The following SAMD3 variants were observed in gnomAD, a reference collection of about 807,000 sequenced individuals.
SAMD3 encodes the protein sterile alpha motif domain containing 3, also known as sterile alpha motif domain-containing protein 3.
Under a neutral mutation model 58.5 loss-of-function variants are expected in SAMD3, and 63 were observed. That is an observed-to-expected ratio of 1.08 (90% CI 0.88 to 1.33). SAMD3 has a LOEUF of 1.33. SAMD3 is among the 40% of genes most tolerant of loss of function. The probability of loss-of-function intolerance (pLI) is 0.00; values close to 1 mark genes in which losing one functional copy is unlikely to be tolerated. For synonymous variants in SAMD3, 220 were observed against 210.3 expected (o/e 1.05, Z -0.40); for missense variants, 604 against 608.4 (o/e 0.99, Z 0.08).
chr6:130,159,499 T>C (rs1790091125), intron 8 of SAMD3: 1 of 152,218 alleles, frequency 6.6e-6, no homozygotes, highest in Admixed American at 6.5e-5. Context: ...CTCTGGTCCT[T>C]TTGTTACCTG....
intron 2 of SAMD3, among the ~76,000 whole-genome samples, chr6:130,280,504 T>C (rs776551907): frequency 6.6e-6 from 1 of 152,148 alleles, no homozygotes; most frequent in Non-Finnish European, 1.5e-5. Context: ...AATATCACCT[T>C]TAGACAGGCA....
At chr6:130,201,508 TAC>T (rs904809202) in intron 5 of SAMD3, among the ~76,000 whole-genome samples, 2 of 152,210 alleles carry the variant, frequency 1.3e-5, no homozygotes, top group African/African-American at 2.4e-5. Context: ...GTTTTATAAG[TAC>T]AATAGAATTT....
chr6:130,248,669 A>G (rs1257163117), intron 2 of SAMD3, among the ~76,000 whole-genome samples: 2 of 152,208 alleles, frequency 1.3e-5, no homozygotes, highest in African/African-American at 4.8e-5. Context: ...CAAGCATGGC[A>G]GTATCTGGCA....
intron 1 of SAMD3, among the ~76,000 whole-genome samples, chr6:130,322,883 G>A (rs1248410255): frequency 2.6e-5 from 4 of 152,190 alleles, no homozygotes; most frequent in African/African-American, 7.2e-5. Context: ...CAGTATGGGA[G>A]TGATTTGCTG....
At chr6:130,253,450 A>G (rs1773813672) in intron 2 of SAMD3, among the ~76,000 whole-genome samples, 1 of 152,232 alleles carries the variant, frequency 6.6e-6, no homozygotes, top group East Asian at 1.9e-4. Context: ...AATTCTAGGT[A>G]TTTACCTTGT....
chr6:130,277,078 G>C (rs572235490), intron 2 of SAMD3, among the ~76,000 whole-genome samples: 1 of 152,274 alleles, frequency 6.6e-6, no homozygotes, highest in South Asian at 2.1e-4. Context: ...CAAAAATCTT[G>C]TGACTTATGG....
At chr6:130,347,492 A>C (rs192835544) in intron 1 of SAMD3, among the ~76,000 whole-genome samples, 123 of 152,372 alleles carry the variant, frequency 8.1e-4, no homozygotes, top group Admixed American at 2.3e-3. Flanking sequence ...GGAAGATCAA[A>C]TGAATGAAAC....
At chr6:130,286,236 C>T (rs1182935053) in intron 2 of SAMD3, 1 of 152,246 alleles carries the variant, frequency 6.6e-6, no homozygotes, top group African/African-American at 2.4e-5. Flanking sequence ...ATCTCACACA[C>T]TTCATTGACC....
intron 4 of SAMD3, 21 bp from the exon 5 acceptor site, chr6:130,209,629 C>T (rs1167980042): frequency 6.7e-7 from 1 of 1,491,490 alleles, no homozygotes; most frequent in South Asian, 1.1e-5. Context: ...AGAGGTGGGT[C>T]AGGCACTATT....
intron 2 of SAMD3, among the ~76,000 whole-genome samples, chr6:130,284,504 G>T (rs1203541839): frequency 6.6e-6 from 1 of 152,114 alleles, no homozygotes; most frequent in African/African-American, 2.4e-5. Context: ...GAGAGAAAGA[G>T]AAGATAGATA....
At chr6:130,351,074 T>C (rs894884756) in intron 1 of SAMD3, among the ~76,000 whole-genome samples, 1 of 152,108 alleles carries the variant, frequency 6.6e-6, no homozygotes, top group African/African-American at 2.4e-5. Context: ...CAAAAATTAA[T>C]TGGGGATGGA....
intron 9 of SAMD3, among the ~76,000 whole-genome samples, chr6:130,153,516 G>C (rs1789408050): frequency 2.0e-5 from 3 of 151,464 alleles, no homozygotes. Context: ...ATATGTTCTC[G>C]GGTAAAACCT....
chr6:130,161,582 A>G (rs1006957178), intron 8 of SAMD3: 8 of 152,188 alleles, frequency 5.3e-5, no homozygotes, highest in African/African-American at 1.7e-4. Flanking sequence ...AGAATTTAAA[A>G]TTCTCACCAT....
intron 2 of SAMD3, among the ~76,000 whole-genome samples, chr6:130,245,077 G>T (rs1025975987): frequency 6.6e-6 from 1 of 152,182 alleles, no homozygotes; most frequent in African/African-American, 2.4e-5. Context: ...ATTTGAATTA[G>T]GAGTGTTCTG....
chr6:130,275,679 T>A (rs1774750440), intron 2 of SAMD3, among the ~76,000 whole-genome samples: 1 of 152,092 alleles, frequency 6.6e-6, no homozygotes, highest in South Asian at 2.1e-4. Context: ...AAATCACCTA[T>A]TTGGTCTTGA....
chr6:130,174,738 G>T (rs10223341), intron 8 of SAMD3, among the ~76,000 whole-genome samples: 8,152 of 152,196 alleles, frequency 0.054, 245 homozygotes, highest in Non-Finnish European at 0.072. Flanking sequence ...TTCTTTTAGG[G>T]CACCTTTCAG....
intron 8 of SAMD3, among the ~76,000 whole-genome samples, chr6:130,165,824 C>T (rs1045605482): frequency 3.3e-5 from 5 of 152,156 alleles, no homozygotes; most frequent in Admixed American, 2.0e-4. Flanking sequence ...CATCCTGATG[C>T]TTCAAATGGG....
chr6:130,266,776 C>T (rs970641727), intron 2 of SAMD3, among the ~76,000 whole-genome samples: 7 of 152,232 alleles, frequency 4.6e-5, no homozygotes, highest in East Asian at 1.9e-4. Flanking sequence ...TAAAAACAGG[C>T]GAACTCCTAG....
chr6:130,321,564 T>C (rs940292636), intron 1 of SAMD3, among the ~76,000 whole-genome samples: 1 of 152,192 alleles, frequency 6.6e-6, no homozygotes, highest in Non-Finnish European at 1.5e-5. Flanking sequence ...GAAAACTATG[T>C]AAAATATCCC....
Sources: gnomAD v4.1 joint callset for allele counts (sites outside exome capture counted in the v4.1 genomes callset) on GRCh38, gnomAD v4.1.1 for gene constraint, MANE v1.5 for transcripts, NCBI Gene and HGNC (gene_info 2026-07-23, HGNC 2026-07-21) for gene names.